SYNE1: variants seen among roughly 807,000 people sequenced by gnomAD.
SYNE1 encodes the protein nesprin-1.
A neutral mutation model predicts 1,111.0 loss-of-function variants in SYNE1; 616 were observed. That is an observed-to-expected ratio of 0.55 (90% CI 0.52 to 0.59). The LOEUF is 0.59. Ranked by LOEUF, SYNE1 falls within the 20% of genes least tolerant of loss-of-function variation. SYNE1 has a pLI of 0.00. For synonymous variants in SYNE1, 3,855 were observed against 3,825.8 expected (o/e 1.01, Z -0.28); for missense variants, 10,006 against 10,417.0 (o/e 0.96, Z 1.72).
chr6:152,371,935 C>CAGGAAAGGAA (rs202166129), intron 59 of SYNE1, among the ~76,000 whole-genome samples: 4 of 62,836 alleles, frequency 6.4e-5, no homozygotes, highest in South Asian at 5.1e-4. Flanking sequence ...CAGGACAGGA[C>CAGGAAAGGAA]AGGAAAGGAA....
chr6:152,575,238 T>A (rs1353866168), intron 3 of SYNE1, among the ~76,000 whole-genome samples: 1 of 152,234 alleles, frequency 6.6e-6, no homozygotes, highest in East Asian at 1.9e-4. Context: ...AATGTCATAC[T>A]GCATTGAGCA....
chr6:152,561,880 C>G (rs1277138112), intron 3 of SYNE1, among the ~76,000 whole-genome samples: 3 of 152,130 alleles, frequency 2.0e-5, no homozygotes, highest in Admixed American at 6.5e-5. Flanking sequence ...AAACTGGATC[C>G]TTATTTTACA....
intron 101 of SYNE1, among the ~76,000 whole-genome samples, chr6:152,259,393 T>C (rs868376137): frequency 6.6e-6 from 1 of 152,166 alleles, no homozygotes; most frequent in African/African-American, 2.4e-5. Flanking sequence ...ATTAAATACA[T>C]TGGAAGTAAA....
chr6:152,293,273 C>G (rs1178109986), intron 95 of SYNE1, among the ~76,000 whole-genome samples: 2 of 152,134 alleles, frequency 1.3e-5, no homozygotes, highest in African/African-American at 4.8e-5. Flanking sequence ...ATCAAAATAA[C>G]TTGGCAACTC....
Position 152,373,084 on chromosome 6 carries a change from A to C in SYNE1, c.9460T>G (p.Trp3154Gly), listed in dbSNP as rs1263842200. The change falls in exon 59 of 146, where the codon TGG becomes GGG. Residue 3154 changes from tryptophan (W) to glycine (G), a missense_variant. Physicochemically the swap from Trp to Gly is radical, Grantham distance 184. Coordinates refer to ENST00000367255, the MANE Select transcript of SYNE1 (RefSeq NM_182961.4). ...TGGAGATTTGAATGAAAATTTTTCC[A>C]ATCTTCTTTTGCAGCTGTAACTTTG... Reference protein sequence around the residue: ...QAKVTAAKEDWKNFHSNLHQK... With the variant: ...QAKVTAAKEDGKNFHSNLHQK... 1 of 1,614,086 alleles carries C rather than the reference A, an allele frequency of 6.2e-7. No individual in the cohort carries two copies. Among genetic ancestry groups the C allele is most frequent in the Non-Finnish European group, 8.5e-7 (1 of 1,180,002 alleles).
At chr6:152,634,265 C>T (rs1003533352) in intron 2 of SYNE1, among the ~76,000 whole-genome samples, 1 of 152,134 alleles carries the variant, frequency 6.6e-6, no homozygotes, top group Non-Finnish European at 1.5e-5. Flanking sequence ...AGAAAATGAA[C>T]TGAGAACATA....
chr6:152,339,436 G>A, intron 74 of SYNE1, 70 bp from the exon 75 acceptor site: 2 of 1,589,952 alleles, frequency 1.3e-6, no homozygotes, highest in Non-Finnish European at 8.6e-7. Context: ...TGTATCATTT[G>A]GAATATTCTG....
At position 152,141,347 on chromosome 6, in the gene SYNE1, A is replaced by G. The variant is rs776125789; in HGVS notation, c.25120-18T>C. On this transcript the variant is annotated intron_variant, in intron 138 of 145. Coordinates refer to ENST00000367255, the MANE Select transcript of SYNE1 (RefSeq NM_182961.4). ...AGTTTCATCTGTTTAGACATAAACA[A>G]CCGGCCCCTGTCACCCAAATCTTCA... 6.2e-7 allele frequency: 1 copy of G among 1,613,480 alleles called. No homozygotes were observed. Among genetic ancestry groups the G allele is most frequent in the Non-Finnish European group, 8.5e-7 (1 of 1,179,916 alleles).
intron 32 of SYNE1, among the ~76,000 whole-genome samples, chr6:152,437,933 G>A (rs949220016): frequency 2.0e-5 from 3 of 152,030 alleles, no homozygotes; most frequent in Admixed American, 6.6e-5. Flanking sequence ...GAAATATCAC[G>A]AGTTCGGCCA....
At chr6:152,483,310 G>GC in intron 13 of SYNE1, 61 bp from the exon 14 acceptor site, 1 of 1,437,136 alleles carries the variant, frequency 7.0e-7, no homozygotes, top group Non-Finnish European at 9.8e-7. Context: ...TTATAAAATT[G>GC]CACCCAAATA....
At chr6:152,327,150 G>A (rs2096090410) in intron 78 of SYNE1, among the ~76,000 whole-genome samples, 1 of 152,052 alleles carries the variant, frequency 6.6e-6, no homozygotes, top group Non-Finnish European at 1.5e-5. Context: ...AAAATTAGCT[G>A]AGTGTGGTGG....
At position 152,207,874 on chromosome 6, in the gene SYNE1, C is replaced by G. The variant is rs1306798960; in HGVS notation, c.22824+98G>C. 2.7e-6 allele frequency: 3 copies of G among 1,104,902 alleles called. No individual in the cohort carries two copies. In the African/African-American group the frequency reaches 4.6e-5, roughly 17 times the overall value. The allele number at this position is 1,104,902 out of a possible 1,614,324, so 68.4% of individuals were successfully genotyped here. On this transcript the variant is annotated intron_variant, in intron 125 of 145. Coordinates refer to ENST00000367255, the MANE Select transcript of SYNE1 (RefSeq NM_182961.4). Reference sequence around the variant, plus strand: ...TTGAGAACAATGTTTGTCCCAGCTGCAATGTCACTCTAGAGTCCTTTTGAA... The same window carrying G: ...TTGAGAACAATGTTTGTCCCAGCTGGAATGTCACTCTAGAGTCCTTTTGAA...
intron 10 of SYNE1, among the ~76,000 whole-genome samples, chr6:152,501,270 C>A (rs901465933): frequency 3.3e-5 from 5 of 151,554 alleles, no homozygotes; most frequent in African/African-American, 1.2e-4. Context: ...TGGTCATGTC[C>A]GTTGTTTAAA....
chr6:152,577,594 C>G (rs189614513), intron 3 of SYNE1, among the ~76,000 whole-genome samples: 5 of 152,088 alleles, frequency 3.3e-5, no homozygotes, highest in Non-Finnish European at 7.4e-5. Context: ...GATGGTGCCA[C>G]TGCACTCCAG....
intron 6 of SYNE1, among the ~76,000 whole-genome samples, chr6:152,516,078 T>C (rs1385605923): frequency 5.3e-5 from 8 of 152,170 alleles, no homozygotes; most frequent in African/African-American, 1.9e-4. Context: ...GAGACATAAG[T>C]TTTAACTTGT....
intron 8 of SYNE1, among the ~76,000 whole-genome samples, chr6:152,506,045 A>G (rs1451633571): frequency 1.3e-5 from 2 of 152,248 alleles, no homozygotes; most frequent in African/African-American, 4.8e-5. Context: ...ATTGTTTTTA[A>G]GCTCCTTTTT....
rs772565162 is a variant in SYNE1, at chr6:152,505,171, T to C, written c.778+30A>G. 13 of 1,609,322 alleles carry C rather than the reference T, an allele frequency of 8.1e-6. No individual in the cohort carries two copies. The Admixed American group carries it at 8.3e-5, about 10-fold the overall frequency. ...GACATAAAAACCCTCCGTGTTAAGG[T>C]ATATAACAGTCAATGAATATTCAGC... On this transcript the variant is annotated intron_variant, in intron 9 of 145. Transcript: ENST00000367255.
rs140297696 is a variant in SYNE1, at chr6:152,556,713, A to T, written c.68-16692T>A. ...GGACCATCTGTCCCCTGACGAAAAC[A>T]TCAGGCCAGTCCTCCCAAGGATTTC... On this transcript the variant is annotated intron_variant, in intron 3 of 145. Transcript: ENST00000367255. Among the ~76,000 whole-genome samples the T allele has an allele frequency of 7.2e-5, 11 of 152,296 alleles. No individual in the cohort carries two copies. The East Asian group carries it at 2.1e-3, about 29-fold the overall frequency.
chr6:152,627,666 C>A (rs989346137), intron 3 of SYNE1, among the ~76,000 whole-genome samples: 1 of 151,854 alleles, frequency 6.6e-6, no homozygotes, highest in Admixed American at 6.6e-5. Context: ...TAAAAAAAAT[C>A]AAAAGCAGAG....
Sources: allele counts gnomAD v4.1 joint callset (sites outside exome capture counted in the v4.1 genomes callset), GRCh38; gene constraint gnomAD v4.1.1; transcripts MANE v1.5; gene names NCBI Gene and HGNC (gene_info 2026-07-23, HGNC 2026-07-21).